ANKFN1: variants seen among roughly 807,000 people sequenced by gnomAD.
The protein encoded by ANKFN1 is ankyrin repeat and fibronectin type III domain containing 1, also known as ankyrin repeat and fibronectin type-III domain-containing protein 1.
In ANKFN1, 74 loss-of-function variants were observed where a neutral mutation model predicts 108.7. The observed-to-expected ratio is 0.68, with a 90% CI of 0.56 to 0.83. ANKFN1 has a LOEUF of 0.83. ANKFN1 is among the 40% of genes least tolerant of loss of function. ANKFN1 has a pLI of 0.00. For missense variants in ANKFN1, 1,505 were observed against 1,382.3 expected, an observed-to-expected ratio of 1.09 and a Z score of -1.41; for synonymous variants, 547 against 516.2, an observed-to-expected ratio of 1.06 and a Z score of -0.81.
At chr17:56,239,354 T>A (rs1336648575) in intron 3 of ANKFN1, among the ~76,000 whole-genome samples, 3 of 152,038 alleles carry the variant, frequency 2.0e-5, no homozygotes, top group African/African-American at 7.2e-5. Context: ...AATAATATGG[T>A]GCAATAGTTC....
intron 4 of ANKFN1, among the ~76,000 whole-genome samples, chr17:56,113,515 A>G (rs1906090846): frequency 6.6e-6 from 1 of 152,186 alleles, no homozygotes; most frequent in Non-Finnish European, 1.5e-5. Flanking sequence ...CAGACTGTAC[A>G]AGCTTTGATT....
intron 13 of ANKFN1, 96 bp downstream of exon 13, chr17:56,457,485 A>G: frequency 7.5e-7 from 1 of 1,339,002 alleles, no homozygotes; most frequent in East Asian, 2.4e-5. Flanking sequence ...CAGCGATCAG[A>G]GTTTTGGGGT....
At chr17:56,306,198 G>T (rs780336626) in intron 3 of ANKFN1, among the ~76,000 whole-genome samples, 1 of 152,158 alleles carries the variant, frequency 6.6e-6, no homozygotes, top group East Asian at 1.9e-4. Flanking sequence ...AAAACGTCTT[G>T]CTGAGAGTTT....
chr17:56,139,209 A>G (rs1907774587), intron 4 of ANKFN1, among the ~76,000 whole-genome samples: 6 of 152,194 alleles, frequency 3.9e-5, no homozygotes, highest in Admixed American at 3.9e-4. Flanking sequence ...AAAAAACCAA[A>G]CAAACAATAA....
chr17:56,262,309 AT>A (rs2043533318), intron 3 of ANKFN1, among the ~76,000 whole-genome samples: 1 of 152,198 alleles, frequency 6.6e-6, no homozygotes, highest in African/African-American at 2.4e-5. Context: ...GGCCTGTTCC[AT>A]TTAAGACTTC....
In ANKFN1 at chr17:56,459,364, G is replaced by A. The variant is rs563001466; in HGVS notation, c.1557+1385G>A. 9.2e-5 allele frequency among the ~76,000 whole-genome samples: 14 copies of A among 152,264 alleles called. No individual in the cohort carries two copies. In the East Asian group the frequency reaches 2.7e-3, roughly 29 times the overall value. On this transcript the variant is annotated intron_variant, in intron 14 of 20. Transcript: ENST00000682825. ...GACCTCAAGTGATCCACCTGCCTCGGCCTCCCAAAGTGCTGGGAGTACAGG... is the reference window on the plus strand; with the variant it reads ...GACCTCAAGTGATCCACCTGCCTCGACCTCCCAAAGTGCTGGGAGTACAGG...
At chr17:56,154,642 C>CAAAAA (rs60522690) in intron 1 of ANKFN1, among the ~76,000 whole-genome samples, 1 of 134,068 alleles carries the variant, frequency 7.5e-6, no homozygotes. Flanking sequence ...ATGCCAACAC[C>CAAAAA]AAAAAAAAAA....
At chr17:56,399,739 C>T (rs987104217) in intron 8 of ANKFN1, among the ~76,000 whole-genome samples, 3 of 151,490 alleles carry the variant, frequency 2.0e-5, no homozygotes, top group Non-Finnish European at 4.4e-5. Flanking sequence ...TTTGGCTTTC[C>T]GTTTCTGAGT....
intron 8 of ANKFN1, among the ~76,000 whole-genome samples, chr17:56,424,638 A>G (rs2048502432): frequency 6.6e-6 from 1 of 152,190 alleles, no homozygotes; most frequent in Non-Finnish European, 1.5e-5. Flanking sequence ...TTGCAGAAGA[A>G]GCAGTATGAA....
At chr17:56,336,932 T>C (rs1337564221) in intron 4 of ANKFN1, among the ~76,000 whole-genome samples, 1 of 152,226 alleles carries the variant, frequency 6.6e-6, no homozygotes, top group Non-Finnish European at 1.5e-5. Context: ...TTTGTTTCAT[T>C]GGTTTCAAAG....
chr17:56,208,408 G>A (rs1914703353), intron 1 of ANKFN1, among the ~76,000 whole-genome samples: 1 of 152,106 alleles, frequency 6.6e-6, no homozygotes. Context: ...TTTTTAGCAG[G>A]CAGTAACTTC....
Position 56,389,087 on chromosome 17 carries a change from A to G in ANKFN1, c.910+14373A>G, listed in dbSNP as rs540980945. Among the ~76,000 whole-genome samples the G allele has an allele frequency of 2.0e-5, 3 of 152,278 alleles. No homozygotes were observed. The East Asian group carries it at 5.8e-4, about 29-fold the overall frequency. ...ATTTATCCCAGAAAAATGAAAGTTT[A>G]CTTTTATAGAGAAACTTGTACACAA... On this transcript the variant is annotated intron_variant, in intron 8 of 20. Transcript: ENST00000682825.
At chr17:56,101,464 T>C (rs1320395340) in intron 4 of ANKFN1, among the ~76,000 whole-genome samples, 1 of 152,226 alleles carries the variant, frequency 6.6e-6, no homozygotes, top group Non-Finnish European at 1.5e-5. Context: ...CCCCTAGGAT[T>C]ACTAGGATTA....
chr17:56,289,547 G>C (rs1341865477), intron 3 of ANKFN1, among the ~76,000 whole-genome samples: 3 of 152,170 alleles, frequency 2.0e-5, no homozygotes, highest in Admixed American at 2.0e-4. Context: ...TCTCTGCTTT[G>C]CTGGTTCAGA....
chr17:56,310,797 T>C (rs2044999615), intron 3 of ANKFN1, among the ~76,000 whole-genome samples: 1 of 150,696 alleles, frequency 6.6e-6, no homozygotes, highest in Non-Finnish European at 1.5e-5. Flanking sequence ...TCTACTCTAA[T>C]AACAAATTTC....
chr17:56,169,446 G>T (rs548377564), intron 1 of ANKFN1, among the ~76,000 whole-genome samples: 121 of 152,128 alleles, frequency 8.0e-4, no homozygotes, highest in African/African-American at 2.8e-3. Flanking sequence ...ATTTTTTAAT[G>T]TTTTATTGAG....
At chr17:56,162,907 C>T (rs769417835) in intron 1 of ANKFN1, among the ~76,000 whole-genome samples, 5 of 151,852 alleles carry the variant, frequency 3.3e-5, no homozygotes, top group East Asian at 3.9e-4. Context: ...TGCTGGCAGG[C>T]GCCTGTAATC....
At chr17:56,108,760 T>A (rs1447123814) in intron 4 of ANKFN1, among the ~76,000 whole-genome samples, 1 of 152,216 alleles carries the variant, frequency 6.6e-6, no homozygotes, top group Non-Finnish European at 1.5e-5. Flanking sequence ...GGTTTTTTAT[T>A]TTGTATGTAC....
chr17:56,390,974 T>G (rs2047408584), intron 8 of ANKFN1, among the ~76,000 whole-genome samples: 1 of 151,774 alleles, frequency 6.6e-6, no homozygotes, highest in Non-Finnish European at 1.5e-5. Flanking sequence ...TATTTTTAAG[T>G]TTAAACAGAT....
Sources: allele counts gnomAD v4.1 joint callset (sites outside exome capture counted in the v4.1 genomes callset), GRCh38; gene constraint gnomAD v4.1.1; transcripts MANE v1.5; gene names NCBI Gene and HGNC (gene_info 2026-07-23, HGNC 2026-07-21).